The following ST18 variants were observed in gnomAD, a reference collection of about 807,000 sequenced individuals.
The protein encoded by ST18 is ST18 C2H2C-type zinc finger transcription factor.
Under a neutral mutation model 110.0 loss-of-function variants are expected in ST18, and 50 were observed. That is an observed-to-expected ratio of 0.45 (90% confidence interval 0.36 to 0.58). The LOEUF (loss-of-function observed/expected upper bound fraction) is 0.58. ST18 is among the 20% of genes least tolerant of loss of function. The probability of loss-of-function intolerance (pLI) is 0.00; values close to 1 mark genes in which losing one functional copy is unlikely to be tolerated. For missense variants in ST18, 1,306 were observed against 1,280.1 expected (o/e 1.02, Z -0.31); for synonymous variants, 461 against 452.4 (o/e 1.02, Z -0.24).
chr8:52,130,119 A>AAAAGAAGGAAAGAAAGAAAGAACG (rs2048787633), intron 22 of ST18, among the ~76,000 whole-genome samples: 2 of 105,164 alleles, frequency 1.9e-5, no homozygotes, highest in African/African-American at 8.2e-5. Flanking sequence ...AGAAAGAAAG[A>AAAAGAAGGAAAGAAAGAAAGAACG]AAAGAAAGAA....
At chr8:52,211,999 C>T (rs2082325592) in intron 8 of ST18, 80 bp downstream of exon 8, 1 of 1,475,928 alleles carries the variant, frequency 6.8e-7, no homozygotes, top group Non-Finnish European at 9.3e-7. Context: ...AAAAAGTATT[C>T]TGAGGCTTGA....
chr8:52,366,037 A>T (rs556385590), intron 2 of ST18, among the ~76,000 whole-genome samples: 3 of 152,226 alleles, frequency 2.0e-5, no homozygotes, highest in African/African-American at 7.2e-5. Flanking sequence ...GGAAATTATC[A>T]TCATTGCTCC....
intron 2 of ST18, among the ~76,000 whole-genome samples, chr8:52,255,203 A>G (rs1271113154): frequency 2.0e-5 from 3 of 152,028 alleles, no homozygotes; most frequent in Admixed American, 6.6e-5. Flanking sequence ...GGAGTGCTCT[A>G]TTTCCATGAC....
chr8:52,130,894 G>T (rs1014901328), intron 22 of ST18, among the ~76,000 whole-genome samples: 1 of 152,178 alleles, frequency 6.6e-6, no homozygotes, highest in South Asian at 2.1e-4. Flanking sequence ...TACAGTAAAT[G>T]TGCCATTAGG....
chr8:52,341,353 T>C (rs992174475), intron 2 of ST18, among the ~76,000 whole-genome samples: 1 of 152,206 alleles, frequency 6.6e-6, no homozygotes, highest in African/African-American at 2.4e-5. Flanking sequence ...CTTAAGACAC[T>C]GAAGGAAAGA....
intron 2 of ST18, among the ~76,000 whole-genome samples, chr8:52,378,022 C>T (rs1332068958): frequency 1.3e-5 from 2 of 152,140 alleles, no homozygotes; most frequent in African/African-American, 4.8e-5. Flanking sequence ...AGACAAATTT[C>T]ACATGTACTC....
intron 2 of ST18, among the ~76,000 whole-genome samples, chr8:52,402,686 G>A (rs1014480563): frequency 3.3e-5 from 5 of 152,162 alleles, no homozygotes; most frequent in East Asian, 1.9e-4. Flanking sequence ...TCTCTGTGAC[G>A]CCAGGTGCAG....
chr8:52,231,590 C>T (rs1019585000), intron 2 of ST18, among the ~76,000 whole-genome samples: 1 of 152,106 alleles, frequency 6.6e-6, no homozygotes, highest in Non-Finnish European at 1.5e-5. Context: ...GATTCTTCTG[C>T]CTCAGCCACA....
Position 52,323,111 on chromosome 8 carries a change from C to G in ST18, c.-465+86217G>C, listed in dbSNP as rs28645527. Among the ~76,000 whole-genome samples, 1,033 of 152,248 alleles carry G rather than the reference C, an allele frequency of 6.8e-3. 12 individuals carry two copies. Among genetic ancestry groups the G allele is most frequent in the African/African-American group, 0.024 (982 of 41,550 alleles). On this transcript the variant is annotated intron_variant, in intron 2 of 25. Coordinates refer to ENST00000689386, the MANE Select transcript of ST18 (RefSeq NM_001352837.2). ...ATTCATTCTACATAATGGCTATGTT[C>G]AGGAACTCTGTGCATGGAGGGAAAG...
At chr8:52,230,692 G>GT (rs1281491563) in intron 2 of ST18, among the ~76,000 whole-genome samples, 1 of 152,110 alleles carries the variant, frequency 6.6e-6, no homozygotes, top group Non-Finnish European at 1.5e-5. Context: ...TAATTCTCAT[G>GT]TGTTTCCACG....
chr8:52,369,653 T>A (rs1056957590), intron 2 of ST18, among the ~76,000 whole-genome samples: 1 of 152,102 alleles, frequency 6.6e-6, no homozygotes, highest in African/African-American at 2.4e-5. Flanking sequence ...ATTCTGTTCA[T>A]CCCTGATTCA....
At chr8:52,320,627 A>G (rs1018058856) in intron 2 of ST18, among the ~76,000 whole-genome samples, 1 of 152,248 alleles carries the variant, frequency 6.6e-6, no homozygotes. Context: ...ACTAATAATC[A>G]GGGAAGTGCT....
rs574785338 is a variant in ST18, at chr8:52,260,453, G to T, written c.-464-30376C>A. Among the ~76,000 whole-genome samples, 3 of 152,242 alleles carry T rather than the reference G, an allele frequency of 2.0e-5. No homozygotes were observed. The South Asian group carries it at 6.2e-4, about 32-fold the overall frequency. ...CATGTGACATGTGGCATCACCAGCT[G>T]CATGAAATCTGGCTGAAGATTCCTT... On this transcript the variant is annotated intron_variant, in intron 2 of 25. Transcript: ENST00000689386.
At chr8:52,159,344 T>C (rs950168726) in intron 14 of ST18, among the ~76,000 whole-genome samples, 1 of 152,130 alleles carries the variant, frequency 6.6e-6, no homozygotes, top group Non-Finnish European at 1.5e-5. Flanking sequence ...AATATTTTTG[T>C]ATTTACGCTT....
intron 10 of ST18, among the ~76,000 whole-genome samples, chr8:52,170,258 C>A (rs1238009682): frequency 6.6e-6 from 1 of 152,110 alleles, no homozygotes; most frequent in Admixed American, 6.5e-5. Flanking sequence ...ATGTTCCAGA[C>A]CAGCCCGGCC....
chr8:52,378,804 T>C (rs183785734), intron 2 of ST18, among the ~76,000 whole-genome samples: 108 of 152,332 alleles, frequency 7.1e-4, no homozygotes, highest in Non-Finnish European at 1.0e-3. Context: ...CATTCATTTT[T>C]CAAGGAGAGA....
chr8:52,111,426 G>A lies in ST18; in HGVS notation c.*1772C>T, dbSNP rs560162400. Reference sequence around the variant, plus strand: ...TAAAACTGATTTTTAAATAAACACCGTTTCTACCTAAGAACAGACAGTTCA... The same window carrying A: ...TAAAACTGATTTTTAAATAAACACCATTTCTACCTAAGAACAGACAGTTCA... On this transcript the variant is annotated 3_prime_UTR_variant, in exon 26 of 26. Transcript: ENST00000689386. The A allele has an allele frequency of 1.9e-3, 297 of 154,268 alleles. No individual in the cohort carries two copies. The highest frequency in any genetic ancestry group is 6.0e-3 in the African/African-American group (249 of 41,624). The allele number at this position is 154,268 out of a possible 1,614,324, so 9.6% of individuals were successfully genotyped here. A position where few individuals can be genotyped will look rare whatever the true frequency, so the allele number is the denominator to read the frequency against.
chr8:52,233,798 G>C (rs966169316), intron 2 of ST18, among the ~76,000 whole-genome samples: 1 of 152,038 alleles, frequency 6.6e-6, no homozygotes, highest in Admixed American at 6.6e-5. Flanking sequence ...GACTTTTTTG[G>C]TTTCTTTTTA....
intron 2 of ST18, among the ~76,000 whole-genome samples, chr8:52,240,140 G>A (rs142314677): frequency 6.6e-6 from 1 of 152,052 alleles, no homozygotes; most frequent in East Asian, 1.9e-4. Flanking sequence ...GTTTAAGACT[G>A]TTTCAAATCC....
Sources: gnomAD v4.1 joint callset for allele counts (sites outside exome capture counted in the v4.1 genomes callset) on GRCh38, gnomAD v4.1.1 for gene constraint, MANE v1.5 for transcripts, NCBI Gene and HGNC (gene_info 2026-07-23, HGNC 2026-07-21) for gene names.